Variants in RBM27 observed in about 807,000 individuals in gnomAD.
RBM27 encodes the protein RNA-binding protein 27.
In RBM27, 22 loss-of-function variants were observed where a neutral mutation model predicts 135.3. The ratio of observed to expected loss-of-function variants is 0.16; its 90% confidence interval spans 0.12 to 0.23. The LOEUF (loss-of-function observed/expected upper bound fraction) is 0.23. Ranked by LOEUF, RBM27 falls within the 10% of genes least tolerant of loss-of-function variation. RBM27 has a pLI of 1.00. For missense variants in RBM27, 1,009 were observed against 1,281.0 expected (o/e 0.79, Z 3.24); for synonymous variants, 481 against 442.4 (o/e 1.09, Z -1.10).
intron 3 of RBM27, among the ~76,000 whole-genome samples, chr5:146,228,573 C>T (rs1581162555): frequency 1.3e-5 from 2 of 151,912 alleles, no homozygotes; most frequent in East Asian, 1.9e-4. Flanking sequence ...TGAATCACTG[C>T]GCCCGGCCGA....
intron 19 of RBM27, among the ~76,000 whole-genome samples, chr5:146,279,807 CAA>C (rs766177641): frequency 5.1e-4 from 28 of 55,238 alleles, no homozygotes; most frequent in East Asian, 5.3e-4. Flanking sequence ...GACTCTGTCT[CAA>C]AAAAAAAAAA....
intron 9 of RBM27, among the ~76,000 whole-genome samples, chr5:146,253,245 C>T (rs1338568681): frequency 6.6e-6 from 1 of 152,156 alleles, no homozygotes; most frequent in Non-Finnish European, 1.5e-5. Context: ...ATCTGCCCAC[C>T]TTGGCCTCCC....
chr5:146,260,528 A>G (rs1758351154), intron 11 of RBM27, among the ~76,000 whole-genome samples: 1 of 152,110 alleles, frequency 6.6e-6, no homozygotes, highest in Non-Finnish European at 1.5e-5. Context: ...TCAGCCTGTA[A>G]TCTGTTTCTG....
chr5:146,223,357 TTG>T, intron 2 of RBM27, 44 bp from the exon 3 acceptor site: 1 of 1,544,832 alleles, frequency 6.5e-7, no homozygotes, highest in Admixed American at 2.1e-5. Context: ...TGTCAAATTT[TTG>T]TTTTTTGTTT....
intron 8 of RBM27, 146 bp downstream of exon 8, chr5:146,237,578 G>A (rs1047976108): frequency 4.1e-5 from 40 of 970,024 alleles, no homozygotes; most frequent in South Asian, 6.9e-5. Context: ...ACAGTTTATC[G>A]TGTGTTTCTG....
chr5:146,248,251 T>TC lies in RBM27; in HGVS notation c.1280-3460_1280-3459insC, dbSNP rs397697631. ...TTCTGCTAGTTTTTTTTTTTTTTTTTAATTTTTGACATGCCAGTTTTTGAT... is the reference window on the plus strand; with the variant it reads ...TTCTGCTAGTTTTTTTTTTTTTTTTTCAATTTTTGACATGCCAGTTTTTGAT... On this transcript the variant is annotated intron_variant, in intron 8 of 20. Transcript: ENST00000265271. Among the ~76,000 whole-genome samples the TC allele has an allele frequency of 2.3e-3, 353 of 150,532 alleles. 2 individuals are homozygous for TC. The highest frequency in any genetic ancestry group is 8.3e-3 in the African/African-American group (341 of 41,022).
rs1228052353 is a variant in RBM27, at chr5:146,288,860, A to AG, written c.*2834dup. The AG allele has an allele frequency of 6.6e-6, 1 of 152,126 alleles. No individual in the cohort carries two copies. Among genetic ancestry groups the AG allele is most frequent in the Admixed American group, 6.5e-5 (1 of 15,274 alleles). 9.4% of individuals were successfully genotyped at this position (152,126 alleles called of 1,614,324 possible). A position where few individuals can be genotyped will look rare whatever the true frequency, so the allele number is the denominator to read the frequency against. On this transcript the variant is annotated 3_prime_UTR_variant, in exon 21 of 21. Transcript: ENST00000265271. ...TGGAAAACAGTCTTGTTAAGGTGAA[A>AG]GGGGTCCTTGGTGATGGATCATTAT...
intron 20 of RBM27, among the ~76,000 whole-genome samples, 151 bp from the exon 21 acceptor site, chr5:146,285,791 CTTTTT>C (rs3062196): frequency 7.3e-6 from 1 of 136,774 alleles, no homozygotes; most frequent in African/African-American, 2.6e-5. Context: ...ATATTTTGGG[CTTTTT>C]TTTTTTTTTG....
At chr5:146,282,907 G>T (rs1307157397) in intron 19 of RBM27, among the ~76,000 whole-genome samples, 4 of 152,080 alleles carry the variant, frequency 2.6e-5, no homozygotes. Context: ...TTGATTTGTT[G>T]TAAGTTAGAT....
intron 19 of RBM27, among the ~76,000 whole-genome samples, chr5:146,273,082 C>CT (rs1210324466): frequency 6.6e-6 from 1 of 152,162 alleles, no homozygotes; most frequent in Non-Finnish European, 1.5e-5. Context: ...ATTAAAATCT[C>CT]TTTGCCAAAT....
intron 1 of RBM27, among the ~76,000 whole-genome samples, chr5:146,211,464 C>CATTTTTTT (rs1755943585): frequency 2.0e-5 from 1 of 49,904 alleles, no homozygotes; most frequent in Non-Finnish European, 3.7e-5. Context: ...ATGGTCTTAT[C>CATTTTTTT]TTTTTTTTTT....
At chr5:146,269,814 C>A (rs1336498046) in intron 17 of RBM27, among the ~76,000 whole-genome samples, 2 of 147,790 alleles carry the variant, frequency 1.4e-5, no homozygotes, top group Non-Finnish European at 3.0e-5. Context: ...CAAATGCAGT[C>A]CTCCCACCTT....
rs1422271061 is a variant in RBM27, at chr5:146,271,054, T to C, written c.2792T>C (p.Val931Ala). ...CGGAAAAAACTCAGTCAGTTACAGGTTGAGGTGAGATTTAAAAGGAGTTAG... is the reference window on the plus strand; with the variant it reads ...CGGAAAAAACTCAGTCAGTTACAGGCTGAGGTGAGATTTAAAAGGAGTTAG... ...ELRKKLSQLQ[V>A]EAARLGILPV... The change falls in exon 18 of 21, where the codon GTT (valine) becomes GCT (alanine). Residue 931 changes from valine to alanine, a missense_variant. By Grantham distance (64) the Val-to-Ala change is moderately conservative. Coordinates refer to ENST00000265271, the MANE Select transcript of RBM27 (RefSeq NM_018989.2). 1 of 1,609,996 alleles carries C rather than the reference T, an allele frequency of 6.2e-7. No homozygotes were observed. Among genetic ancestry groups the C allele is most frequent in the Non-Finnish European group, 8.5e-7 (1 of 1,176,726 alleles).
intron 8 of RBM27, among the ~76,000 whole-genome samples, chr5:146,247,158 C>T (rs774427812): frequency 1.5e-4 from 23 of 152,150 alleles, no homozygotes; most frequent in Non-Finnish European, 2.6e-4. Flanking sequence ...GCCATCACAC[C>T]TGGCCTTAGT....
chr5:146,221,547 C>T (rs1756465549), intron 2 of RBM27, among the ~76,000 whole-genome samples: 1 of 152,142 alleles, frequency 6.6e-6, no homozygotes, highest in Non-Finnish European at 1.5e-5. Context: ...AATTCTCCTG[C>T]CTCAGCCTCT....
intron 1 of RBM27, among the ~76,000 whole-genome samples, chr5:146,214,321 G>T (rs930086014): frequency 1.3e-5 from 2 of 152,110 alleles, no homozygotes; most frequent in African/African-American, 4.8e-5. Context: ...CCCCAAATAT[G>T]CTTGTTTTTA....
At chr5:146,285,636 A>G (rs2126928810) in intron 20 of RBM27, among the ~76,000 whole-genome samples, 1 of 152,260 alleles carries the variant, frequency 6.6e-6, no homozygotes, top group African/African-American at 2.4e-5. Context: ...AATTAATTTT[A>G]ATTTATCAGA....
intron 1 of RBM27, among the ~76,000 whole-genome samples, chr5:146,217,060 G>A (rs995877276): frequency 1.3e-5 from 2 of 151,998 alleles, no homozygotes; most frequent in Non-Finnish European, 2.9e-5. Flanking sequence ...TCTGCCTCCC[G>A]GGTTCAAGCG....
chr5:146,279,878 A>C (rs1286561818), intron 19 of RBM27, among the ~76,000 whole-genome samples: 1 of 151,906 alleles, frequency 6.6e-6, no homozygotes, highest in African/African-American at 2.4e-5. Context: ...TTCCATTCTT[A>C]AAAGATAGTC....
Sources: allele counts gnomAD v4.1 joint callset (sites outside exome capture counted in the v4.1 genomes callset), GRCh38; gene constraint gnomAD v4.1.1; transcripts MANE v1.5; gene names NCBI Gene and HGNC (gene_info 2026-07-23, HGNC 2026-07-21).